Variants in LDLRAD2 observed in about 807,000 individuals in gnomAD.
LDLRAD2 encodes low-density lipoprotein receptor class A domain-containing protein 2.
A neutral mutation model predicts 24.9 loss-of-function variants in LDLRAD2; 25 were observed. That is an observed-to-expected ratio of 1.00 (90% CI 0.73 to 1.40). The LOEUF (loss-of-function observed/expected upper bound fraction) is 1.40. Ranked by LOEUF, LDLRAD2 falls within the 40% of genes most tolerant of loss-of-function variation. LDLRAD2 has a pLI of 0.00. For synonymous variants in LDLRAD2, 182 were observed against 166.7 expected, an observed-to-expected ratio of 1.09 and a Z score of -0.71; for missense variants, 391 against 366.2, an observed-to-expected ratio of 1.07 and a Z score of -0.55.
In LDLRAD2 at chr1:21,814,784, C is replaced by T. The variant is rs1451059595; in HGVS notation, c.472C>T (p.Arg158Cys). The T allele has an allele frequency of 6.8e-7, 1 of 1,479,528 alleles. No individual in the cohort carries two copies. Among genetic ancestry groups the T allele is most frequent in the Non-Finnish European group, 8.9e-7 (1 of 1,121,470 alleles). 91.7% of individuals were successfully genotyped at this position (1,479,528 alleles called of 1,614,324 possible). ...CCTGGTCACGAGAGGCCGCCAGCCC[C>T]GCGTGGACTTCGTGGGCGAAGTCAC... ...LRLVTRGRQP[R>C]VDFVGEVTSF... Residue 158 changes from arginine (R) to cysteine (C), a missense_variant, in exon 2 of 5, where the codon CGC becomes TGC. Coordinates refer to ENST00000344642, the MANE Select transcript of LDLRAD2 (RefSeq NM_001013693.3).
At position 21,824,961 on chromosome 1, in the gene LDLRAD2, G is replaced by C; in HGVS notation, c.*2746G>C. 1.5e-6 allele frequency: 1 copy of C among 647,958 alleles called. No individual in the cohort carries two copies. 40.1% of individuals were successfully genotyped at this position (647,958 alleles called of 1,614,324 possible). ...GGAGCCTATGACCTTGGATGGGAAA[G>C]CATTACACCTCAATTTCACTCACTT... On this transcript the variant is annotated 3_prime_UTR_variant, in exon 5 of 5. Transcript: ENST00000344642. This position sits in a 1 kb window ranked among gnomAD's most constrained non-coding sequence, Gnocchi z 5.9.
At position 21,824,440 on chromosome 1, in the gene LDLRAD2, G is replaced by A. The variant is rs1374046845; in HGVS notation, c.*2225G>A. ...GGAGAGCAGAGGCTGCCGAGGCCAGGGGGCTCTGCTTTCCCCTCCCCCCAC... is the reference window on the plus strand; with the variant it reads ...GGAGAGCAGAGGCTGCCGAGGCCAGAGGGCTCTGCTTTCCCCTCCCCCCAC... On this transcript the variant is annotated 3_prime_UTR_variant, in exon 5 of 5. Coordinates refer to ENST00000344642, the MANE Select transcript of LDLRAD2 (RefSeq NM_001013693.3). The surrounding 1 kb of genome is among the most constrained non-coding windows in gnomAD (Gnocchi z 5.9). 2 of 1,602,250 alleles carry A rather than the reference G, an allele frequency of 1.2e-6. No individual in the cohort carries two copies. Among genetic ancestry groups the A allele is most frequent in the Non-Finnish European group, 8.5e-7 (1 of 1,171,090 alleles).
chr1:21,818,224 C>T (rs1376171726), intron 3 of LDLRAD2, among the ~76,000 whole-genome samples: 1 of 146,950 alleles, frequency 6.8e-6, no homozygotes, highest in Non-Finnish European at 1.5e-5. Context: ...GTTGGACAGG[C>T]TGGTCTCAAA....
chr1:21,814,887 G>C (rs2097942341), intron 2 of LDLRAD2, 64 bp downstream of exon 2: 1 of 1,363,610 alleles, frequency 7.3e-7, no homozygotes, highest in Non-Finnish European at 9.4e-7. Context: ...TGGGGCCACA[G>C]TGGGGGCCCC....
chr1:21,816,128 C>T, intron 3 of LDLRAD2, 54 bp downstream of exon 3: 2 of 1,593,116 alleles, frequency 1.3e-6, no homozygotes, highest in Non-Finnish European at 1.7e-6. Context: ...GAAGCCTGGC[C>T]CTAACTCCCC....
Position 21,824,000 on chromosome 1 carries a change from C to T in LDLRAD2, c.*1785C>T. 1 of 1,037,274 alleles carries T rather than the reference C, an allele frequency of 9.6e-7. No homozygotes were observed. Among genetic ancestry groups the T allele is most frequent in the Non-Finnish European group, 1.5e-6 (1 of 684,092 alleles). The allele number at this position is 1,037,274 out of a possible 1,614,324, so 64.3% of individuals were successfully genotyped here. A position where few individuals can be genotyped will look rare whatever the true frequency, so the allele number is the denominator to read the frequency against. On this transcript the variant is annotated 3_prime_UTR_variant, in exon 5 of 5. Coordinates refer to ENST00000344642, the MANE Select transcript of LDLRAD2 (RefSeq NM_001013693.3). ...GCCCTGGCTGGTGGGTTCTCCCCTC[C>T]CCTGGCTTCAAGTTCTGTCTCCACA...
At chr1:21,820,529 A>C (rs1402871021) in intron 3 of LDLRAD2, among the ~76,000 whole-genome samples, 1 of 150,460 alleles carries the variant, frequency 6.6e-6, no homozygotes, top group Non-Finnish European at 1.5e-5. Context: ...TCTCAAAAAA[A>C]AAAAAAAAAA....
rs1460735170 is a variant in LDLRAD2, at chr1:21,822,440, C to T, written c.*225C>T. The stretch of plus-strand genomic sequence containing the variant: ...CCTCCTCTCTCTCTCAGTCGTGAGT[C>T]CTGCCTTCCCCCACCTAAGGCACTA... On this transcript the variant is annotated 3_prime_UTR_variant, in exon 5 of 5. Coordinates refer to ENST00000344642, the MANE Select transcript of LDLRAD2 (RefSeq NM_001013693.3). 1 of 574,482 alleles carries T rather than the reference C, an allele frequency of 1.7e-6. No homozygotes were observed. Among genetic ancestry groups the T allele is most frequent in the Non-Finnish European group, 3.1e-6 (1 of 320,042 alleles). The allele number at this position is 574,482 out of a possible 1,614,324, so 35.6% of individuals were successfully genotyped here.
Position 21,814,817 on chromosome 1 carries a change from C to A in LDLRAD2, c.505C>A (p.Arg169Ser). Residue 169 changes from arginine to serine, a missense_variant, in exon 2 of 5, where the codon CGT becomes AGT. Coordinates refer to ENST00000344642, the MANE Select transcript of LDLRAD2 (RefSeq NM_001013693.3). The stretch of plus-strand genomic sequence containing the variant: ...CTTCGTGGGCGAAGTCACCTCTTTC[C>A]GTCTGGGTGAGCTGGGGCTGAAGGC... ...VDFVGEVTSF[R>S]LGPCGAYFRC... 1 of 1,474,326 alleles carries A rather than the reference C, an allele frequency of 6.8e-7. No individual in the cohort carries two copies. The allele number at this position is 1,474,326 out of a possible 1,614,324, so 91.3% of individuals were successfully genotyped here.
chr1:21,814,354 GGGGTCGCGCCGCGC>G (rs760166439), intron 1 of LDLRAD2, 30 bp from the exon 2 acceptor site: 43 of 1,503,880 alleles, frequency 2.9e-5, no homozygotes, highest in Non-Finnish European at 3.7e-5. Context: ...AGTAGAGTTC[GGGGTCGCGCCGCGC>G]GGCTCCAGTT....
chr1:21,824,733 G>C lies in LDLRAD2; in HGVS notation c.*2518G>C. On this transcript the variant is annotated 3_prime_UTR_variant, in exon 5 of 5. Transcript: ENST00000344642. The surrounding 1 kb of genome is among the most constrained non-coding windows in gnomAD (Gnocchi z 5.9). The stretch of plus-strand genomic sequence containing the variant: ...TGGAGAAGACATGGCCAGGGAAGGC[G>C]AGGAAGCCATCATCGTGGAAATAGG... 1 of 1,613,688 alleles carries C rather than the reference G, an allele frequency of 6.2e-7. No homozygotes were observed. The highest frequency in any genetic ancestry group is 8.5e-7 in the Non-Finnish European group (1 of 1,179,884).
In LDLRAD2 at chr1:21,821,891, T is replaced by A. The variant is rs529670651; in HGVS notation, c.805+280T>A. 4.9e-6 allele frequency: 7 copies of A among 1,416,350 alleles called. No individual in the cohort carries two copies. In the African/African-American group the frequency reaches 1.0e-4, roughly 20 times the overall value. The allele number at this position is 1,416,350 out of a possible 1,614,324, so 87.7% of individuals were successfully genotyped here. ...CACAGCCTGTACCACGTGCTACCCA[T>A]GTCCCAGCCAGGTCTCCCCAGGGGG... is the stretch of plus-strand genomic sequence containing the variant. On this transcript the variant is annotated intron_variant, in intron 4 of 4. Transcript: ENST00000344642.
rs1422648039 is a variant in LDLRAD2, at chr1:21,825,091, G to A, written c.*2876G>A. ...ACTAGTATTTGCTTATCACATGACA[G>A]TAGCTGCAAATATTTCAAAATATCA... On this transcript the variant is annotated 3_prime_UTR_variant, in exon 5 of 5. Transcript: ENST00000344642. 2.3e-6 allele frequency: 1 copy of A among 429,960 alleles called. No individual in the cohort carries two copies. Among genetic ancestry groups the A allele is most frequent in the Non-Finnish European group, 4.3e-6 (1 of 230,248 alleles). The allele number at this position is 429,960 out of a possible 1,614,324, so 26.6% of individuals were successfully genotyped here.
intron 3 of LDLRAD2, among the ~76,000 whole-genome samples, chr1:21,817,308 A>G (rs1308144193): frequency 6.6e-6 from 1 of 151,706 alleles, no homozygotes; most frequent in African/African-American, 2.4e-5. Flanking sequence ...AGCCTGGGGG[A>G]GCCTTCTTTT....
rs772702093 is a variant in LDLRAD2, at chr1:21,823,702, G to C, written c.*1487G>C. 1.7e-5 allele frequency: 27 copies of C among 1,613,384 alleles called. No homozygotes were observed. The highest frequency in any genetic ancestry group is 2.1e-5 in the Non-Finnish European group (25 of 1,179,960). ...CAGCTCCTCACCGTCGACTTGGATG[G>C]AACCTCTGCGGCCCTCCCTGCAGTG... On this transcript the variant is annotated 3_prime_UTR_variant, in exon 5 of 5. Coordinates refer to ENST00000344642, the MANE Select transcript of LDLRAD2 (RefSeq NM_001013693.3).
At chr1:21,816,742 A>T (rs1301321218) in intron 3 of LDLRAD2, among the ~76,000 whole-genome samples, 1 of 152,092 alleles carries the variant, frequency 6.6e-6, no homozygotes, top group Non-Finnish European at 1.5e-5. Context: ...AGAACCCCAC[A>T]CACTTACCTT....
chr1:21,824,814 G>C lies in LDLRAD2; in HGVS notation c.*2599G>C, dbSNP rs769858069. ...AGAGGAGGGTGGTGCCATACCTGCT[G>C]CATCAGGCATCAAAATCCCCCGTCA... On this transcript the variant is annotated 3_prime_UTR_variant, in exon 5 of 5. Transcript: ENST00000344642. This position sits in a 1 kb window ranked among gnomAD's most constrained non-coding sequence, Gnocchi z 5.9. The C allele has an allele frequency of 1.3e-6, 2 of 1,568,476 alleles. No homozygotes were observed. The highest frequency in any genetic ancestry group is 2.3e-5 in the East Asian group (1 of 43,630).
chr1:21,821,868 C>T (rs2097952510), intron 4 of LDLRAD2: 4 of 1,422,524 alleles, frequency 2.8e-6, no homozygotes, highest in South Asian at 1.5e-5. Context: ...CACTGCAGCA[C>T]AGCCTGTACC....
chr1:21,822,267 A>G lies in LDLRAD2; in HGVS notation c.*52A>G. On this transcript the variant is annotated 3_prime_UTR_variant, in exon 5 of 5. Transcript: ENST00000344642. Reference sequence around the variant, plus strand: ...CCTGGCGGGGATAGCACCGTTTATTAAGAAAAATCAAGACAAAGACCACAG... The same window carrying G: ...CCTGGCGGGGATAGCACCGTTTATTGAGAAAAATCAAGACAAAGACCACAG... 1.9e-6 allele frequency: 3 copies of G among 1,572,166 alleles called. No homozygotes were observed. The highest frequency in any genetic ancestry group is 3.3e-4 in the Middle Eastern group (2 of 6,004).
Sources: gnomAD v4.1 joint callset for allele counts (sites outside exome capture counted in the v4.1 genomes callset) on GRCh38, gnomAD v4.1.1 for gene constraint, Gnocchi (gnomAD v3.1) non-coding constraint, MANE v1.5 for transcripts, NCBI Gene and HGNC (gene_info 2026-07-23, HGNC 2026-07-21) for gene names.